The following MAP2K6 variants were observed in gnomAD, a reference collection of about 807,000 sequenced individuals.
MAP2K6 encodes dual specificity mitogen-activated protein kinase kinase 6.
In MAP2K6, 16 loss-of-function variants were observed where a neutral mutation model predicts 53.7. The ratio of observed to expected loss-of-function variants is 0.30; its 90% confidence interval spans 0.20 to 0.45. The LOEUF is 0.45. MAP2K6 is among the 20% of genes least tolerant of loss of function. The pLI is 1.00. For missense variants in MAP2K6, 204 were observed against 411.9 expected (o/e 0.50, Z 4.37); for synonymous variants, 132 against 143.1 (o/e 0.92, Z 0.55).
At position 69,550,612 on chromosome 17, in the gene MAP2K6, G is replaced by A. The variant is rs1285018596; in HGVS notation, c.*8859G>A. On this transcript the variant is annotated 3_prime_UTR_variant, in exon 12 of 12. Transcript: ENST00000590474. ...TCTCAAGTTGTTTGTCCTGTTGTAT[G>A]TTCAATACTTGGGGAGATAAGAGCG... 4 of 151,962 alleles carry A rather than the reference G, an allele frequency of 2.6e-5. No individual in the cohort carries two copies. The highest frequency in any genetic ancestry group is 5.9e-5 in the Non-Finnish European group (4 of 67,966). 9.4% of individuals were successfully genotyped at this position (151,962 alleles called of 1,614,324 possible).
At chr17:69,530,344 T>G (rs1238244359) in intron 10 of MAP2K6, among the ~76,000 whole-genome samples, 2 of 151,804 alleles carry the variant, frequency 1.3e-5, no homozygotes, top group Admixed American at 1.3e-4. Flanking sequence ...AATAACAAAA[T>G]GCAATATAAA....
chr17:69,433,140 A>T (rs1253318786), intron 1 of MAP2K6: 2 of 152,266 alleles, frequency 1.3e-5, no homozygotes, highest in African/African-American at 2.4e-5. Flanking sequence ...ATATCAGGCA[A>T]AATCTAAAGA....
intron 1 of MAP2K6, among the ~76,000 whole-genome samples, chr17:69,427,653 C>T (rs1271146637): frequency 1.3e-5 from 2 of 152,044 alleles, no homozygotes; most frequent in African/African-American, 2.4e-5. Context: ...TTGAGTCACC[C>T]CTCCTCAGAT....
chr17:69,503,229 C>T (rs1022582941), intron 1 of MAP2K6, among the ~76,000 whole-genome samples: 1 of 152,174 alleles, frequency 6.6e-6, no homozygotes, highest in Non-Finnish European at 1.5e-5. Context: ...AAGTTGAATC[C>T]GTCATTCATT....
intron 11 of MAP2K6, among the ~76,000 whole-genome samples, chr17:69,540,466 A>G (rs763590400): frequency 3.9e-5 from 6 of 152,228 alleles, no homozygotes; most frequent in Non-Finnish European, 7.3e-5. Flanking sequence ...ACTGTGGCTC[A>G]TGACCTGATA....
chr17:69,498,866 G>A (rs1475834577), intron 1 of MAP2K6, among the ~76,000 whole-genome samples: 2 of 152,126 alleles, frequency 1.3e-5, no homozygotes, highest in Non-Finnish European at 2.9e-5. Context: ...ATGTCTGCAT[G>A]GTCTGTTTAA....
chr17:69,449,531 GTCTTTCTTTCTT>G (rs1229807133), intron 1 of MAP2K6, among the ~76,000 whole-genome samples: 74 of 103,378 alleles, frequency 7.2e-4, no homozygotes, highest in Non-Finnish European at 9.9e-4. Context: ...TTCTTTCTTT[GTCTTTCTTTCTT>G]TCTTTCTTTC....
At chr17:69,465,327 C>A (rs986302887) in intron 1 of MAP2K6, among the ~76,000 whole-genome samples, 2 of 151,862 alleles carry the variant, frequency 1.3e-5, no homozygotes, top group Non-Finnish European at 2.9e-5. Context: ...TACAGCCTGC[C>A]CTTATTTCCC....
chr17:69,496,274 C>CTTTTT (rs10676734), intron 1 of MAP2K6, among the ~76,000 whole-genome samples: 1 of 140,374 alleles, frequency 7.1e-6, no homozygotes, highest in African/African-American at 2.6e-5. Context: ...GCCTTCCCTT[C>CTTTTT]TTTTTTTTTT....
chr17:69,472,726 T>C (rs1442713501), intron 1 of MAP2K6, among the ~76,000 whole-genome samples: 4 of 152,064 alleles, frequency 2.6e-5, no homozygotes, highest in Non-Finnish European at 4.4e-5. Flanking sequence ...TGAAATGGAG[T>C]CTCACTCTAT....
chr17:69,442,504 A>T (rs969975436), intron 1 of MAP2K6, among the ~76,000 whole-genome samples: 11 of 152,166 alleles, frequency 7.2e-5, no homozygotes, highest in African/African-American at 2.7e-4. Context: ...TTTCCTTCTC[A>T]ATTTCCCAAC....
At chr17:69,468,331 G>C (rs1356130228) in intron 1 of MAP2K6, among the ~76,000 whole-genome samples, 1 of 152,000 alleles carries the variant, frequency 6.6e-6, no homozygotes, top group Non-Finnish European at 1.5e-5. Context: ...TCCTCTATTT[G>C]ACCCACTCTC....
At chr17:69,449,298 A>G (rs1252431812) in intron 1 of MAP2K6, among the ~76,000 whole-genome samples, 1 of 151,898 alleles carries the variant, frequency 6.6e-6, no homozygotes, top group African/African-American at 2.4e-5. Context: ...TATATAGTAC[A>G]TAAACTATAC....
chr17:69,516,687 G>A (rs1391442453), intron 2 of MAP2K6, among the ~76,000 whole-genome samples, 168 bp from the exon 3 acceptor site: 4 of 152,154 alleles, frequency 2.6e-5, no homozygotes, highest in South Asian at 2.1e-4. Flanking sequence ...AAACCCAAAT[G>A]TGATTTATTT....
At chr17:69,484,610 T>C (rs1031164161) in intron 1 of MAP2K6, among the ~76,000 whole-genome samples, 1 of 151,998 alleles carries the variant, frequency 6.6e-6, no homozygotes, top group African/African-American at 2.4e-5. Context: ...GTATGCTCAC[T>C]CAAAAAACTT....
chr17:69,461,126 A>G (rs1374467724), intron 1 of MAP2K6, among the ~76,000 whole-genome samples: 8 of 152,214 alleles, frequency 5.3e-5, no homozygotes, highest in Non-Finnish European at 1.2e-4. Flanking sequence ...AGCATATAGT[A>G]AAAGATGTGA....
intron 2 of MAP2K6, among the ~76,000 whole-genome samples, chr17:69,515,941 A>T (rs1360797420): frequency 6.6e-6 from 1 of 152,192 alleles, no homozygotes; most frequent in Admixed American, 6.5e-5. Context: ...AAATAATTAC[A>T]TATATTGGTG....
chr17:69,462,636 G>A (rs1244991258), intron 1 of MAP2K6, among the ~76,000 whole-genome samples: 2 of 152,020 alleles, frequency 1.3e-5, no homozygotes, highest in African/African-American at 2.4e-5. Flanking sequence ...ATTAAGTCTC[G>A]GCCTCATTTC....
chr17:69,485,604 A>G (rs1456025772), intron 1 of MAP2K6: 1 of 199,874 alleles, frequency 5.0e-6, no homozygotes, highest in Non-Finnish European at 8.9e-6. Flanking sequence ...ACACCCTGTT[A>G]TACATCTATA....
Sources: allele counts gnomAD v4.1 joint callset (sites outside exome capture counted in the v4.1 genomes callset), GRCh38; gene constraint gnomAD v4.1.1; transcripts MANE v1.5; gene names NCBI Gene and HGNC (gene_info 2026-07-23, HGNC 2026-07-21).